DSCAM: variants seen among roughly 807,000 people sequenced by gnomAD.
DSCAM encodes cell adhesion molecule DSCAM.
In DSCAM, 47 loss-of-function variants were observed where a neutral mutation model predicts 217.7. The ratio of observed to expected loss-of-function variants is 0.22; its 90% CI spans 0.17 to 0.28. The LOEUF (loss-of-function observed/expected upper bound fraction) is 0.28, where lower values mean the gene tolerates loss of function less well. Ranked by LOEUF, DSCAM falls within the 10% of genes least tolerant of loss-of-function variation. The pLI is 1.00. For synonymous variants in DSCAM, 1,056 were observed against 1,015.3 expected, an observed-to-expected ratio of 1.04 and a Z score of -0.76; for missense variants, 2,080 against 2,618.3, an observed-to-expected ratio of 0.79 and a Z score of 4.49.
chr21:40,705,639 G>T (rs77145780), intron 2 of DSCAM, among the ~76,000 whole-genome samples: 1 of 152,082 alleles, frequency 6.6e-6, no homozygotes, highest in Non-Finnish European at 1.5e-5. Flanking sequence ...ATCAGATCTC[G>T]TGAGACTCAC....
chr21:40,806,271 G>A (rs2123520279), intron 1 of DSCAM, among the ~76,000 whole-genome samples: 1 of 152,278 alleles, frequency 6.6e-6, no homozygotes, highest in African/African-American at 2.4e-5. Flanking sequence ...TGCCATTATT[G>A]ACGTGATTGC....
At chr21:40,824,352 T>C (rs1471017203) in intron 1 of DSCAM, among the ~76,000 whole-genome samples, 1 of 151,966 alleles carries the variant, frequency 6.6e-6, no homozygotes, top group East Asian at 1.9e-4. Flanking sequence ...TCCATCTAAA[T>C]TTGAATTCAA....
At chr21:40,687,506 C>T (rs79855988) in intron 3 of DSCAM, among the ~76,000 whole-genome samples, 1 of 152,004 alleles carries the variant, frequency 6.6e-6, no homozygotes, top group Non-Finnish European at 1.5e-5. Context: ...AAAGCAGAGG[C>T]CCCCCACAGC....
At chr21:40,420,401 T>G (rs757594563) in intron 3 of DSCAM, among the ~76,000 whole-genome samples, 1 of 152,184 alleles carries the variant, frequency 6.6e-6, no homozygotes, top group Non-Finnish European at 1.5e-5. Flanking sequence ...TGCCTGGTAT[T>G]TATAATTCAG....
At chr21:40,276,389 C>A in intron 10 of DSCAM, 119 bp from the exon 11 acceptor site, 1 of 764,116 alleles carries the variant, frequency 1.3e-6, no homozygotes, top group South Asian at 4.7e-5. Context: ...ATAAGGCAGT[C>A]ACGGGATACA....
intron 3 of DSCAM, among the ~76,000 whole-genome samples, chr21:40,684,378 A>T (rs2090451937): frequency 6.6e-6 from 1 of 152,160 alleles, no homozygotes; most frequent in Non-Finnish European, 1.5e-5. Flanking sequence ...AGGAGAGAGG[A>T]AGTCTGGGCT....
At chr21:40,313,550 TCTAA>T (rs571024368) in intron 8 of DSCAM, among the ~76,000 whole-genome samples, 115 of 150,978 alleles carry the variant, frequency 7.6e-4, no homozygotes, top group South Asian at 2.5e-3. Context: ...ACATTTGAAC[TCTAA>T]CTGTTACTTG....
chr21:40,545,568 T>G (rs1391847608), intron 3 of DSCAM, among the ~76,000 whole-genome samples: 1 of 152,042 alleles, frequency 6.6e-6, no homozygotes, highest in African/African-American at 2.4e-5. Context: ...CAAAGAGGCA[T>G]GACCTTTGCA....
At chr21:40,289,249 G>A (rs1354287927) in intron 10 of DSCAM, among the ~76,000 whole-genome samples, 2 of 152,194 alleles carry the variant, frequency 1.3e-5, no homozygotes, top group East Asian at 1.9e-4. Flanking sequence ...GGAAGATGAG[G>A]GAATCAGGGC....
chr21:40,552,555 T>C (rs1171026095), intron 3 of DSCAM, among the ~76,000 whole-genome samples: 1 of 152,248 alleles, frequency 6.6e-6, no homozygotes, highest in Non-Finnish European at 1.5e-5. Flanking sequence ...AAATCTTCTA[T>C]GTGTTAGAAA....
intron 3 of DSCAM, among the ~76,000 whole-genome samples, chr21:40,588,840 G>A (rs989302406): frequency 1.3e-5 from 2 of 152,024 alleles, no homozygotes; most frequent in Non-Finnish European, 2.9e-5. Context: ...GTTGACAGAG[G>A]AAGAAAAAGA....
In DSCAM at chr21:40,347,844, A is replaced by T; in HGVS notation, c.1036T>A (p.Ser346Thr). 6.2e-7 allele frequency: 1 copy of T among 1,614,132 alleles called. No homozygotes were observed. The highest frequency in any genetic ancestry group is 1.3e-5 in the African/African-American group (1 of 75,034). ...SVTGTEDQEL[S>T]WYRNGEILNP... Reference sequence around the variant, plus strand: ...AGGATTTCACCATTGCGGTACCAGGAGAGTTCCTGGTCCTCAGTTCCTGTC... The same window carrying T: ...AGGATTTCACCATTGCGGTACCAGGTGAGTTCCTGGTCCTCAGTTCCTGTC... Residue 346 changes from serine (S) to threonine (T), a missense_variant, in exon 6 of 33, where the codon TCC becomes ACC. Physicochemically the swap from Ser to Thr is moderately conservative, Grantham distance 58. Transcript: ENST00000400454.
intron 1 of DSCAM, among the ~76,000 whole-genome samples, chr21:40,804,888 T>C (rs528986801): frequency 9.2e-5 from 14 of 152,240 alleles, no homozygotes; most frequent in Admixed American, 8.5e-4. Flanking sequence ...CCCCACCCAA[T>C]TGTATTCAGA....
At chr21:40,367,430 G>T (rs1433882918) in intron 4 of DSCAM, among the ~76,000 whole-genome samples, 1 of 152,060 alleles carries the variant, frequency 6.6e-6, no homozygotes, top group Non-Finnish European at 1.5e-5. Context: ...ACACCAACAT[G>T]TTTCCACCAT....
At position 40,702,938 on chromosome 21, in the gene DSCAM, T is replaced by C. The variant is rs752420925; in HGVS notation, c.361+5516A>G. On this transcript the variant is annotated intron_variant, in intron 2 of 32. Coordinates refer to ENST00000400454, the MANE Select transcript of DSCAM (RefSeq NM_001389.5). ...CTGTAGGCCTTAATGCTATTGTTGCTATAAGTTTTACTTCTGCCTATGTTA... is the reference window on the plus strand; with the variant it reads ...CTGTAGGCCTTAATGCTATTGTTGCCATAAGTTTTACTTCTGCCTATGTTA... Among the ~76,000 whole-genome samples the C allele has an allele frequency of 3.3e-5, 5 of 152,364 alleles. No homozygotes were observed. In the South Asian group the frequency reaches 8.3e-4, roughly 25 times the overall value.
intron 3 of DSCAM, among the ~76,000 whole-genome samples, chr21:40,605,909 T>C (rs1472400842): frequency 6.6e-6 from 1 of 150,566 alleles, no homozygotes; most frequent in Non-Finnish European, 1.5e-5. Context: ...CAAGCTATTC[T>C]TCTGCCTCAG....
At chr21:40,326,942 G>A (rs991398044) in intron 8 of DSCAM, among the ~76,000 whole-genome samples, 3 of 149,014 alleles carry the variant, frequency 2.0e-5, no homozygotes, top group African/African-American at 7.4e-5. Context: ...ATTTATATTT[G>A]TGTTTTATAT....
At position 40,485,294 on chromosome 21, in the gene DSCAM, G is replaced by A. The variant is rs1316687670; in HGVS notation, c.509-116049C>T. On this transcript the variant is annotated intron_variant, in intron 3 of 32. Transcript: ENST00000400454. Reference sequence around the variant, plus strand: ...CTCGCTGTCGCCCAGGCTGGAGTGAGTGCAGTGGCGCGATCTCGGCTCACT... The same window carrying A: ...CTCGCTGTCGCCCAGGCTGGAGTGAATGCAGTGGCGCGATCTCGGCTCACT... 2.8e-5 allele frequency among the ~76,000 whole-genome samples: 4 copies of A among 144,462 alleles called. No homozygotes were observed. The East Asian group carries it at 6.1e-4, about 22-fold the overall frequency. The allele number at this position is 144,462 out of a possible 152,430, so 94.8% of individuals were successfully genotyped here.
At chr21:40,336,429 T>C (rs1454198489) in intron 8 of DSCAM, among the ~76,000 whole-genome samples, 3 of 152,232 alleles carry the variant, frequency 2.0e-5, no homozygotes, top group Non-Finnish European at 4.4e-5. Context: ...ACTTGAAGAC[T>C]TTCTGATGAG....
Sources: gnomAD v4.1 joint callset for allele counts (sites outside exome capture counted in the v4.1 genomes callset) on GRCh38, gnomAD v4.1.1 for gene constraint, MANE v1.5 for transcripts, NCBI Gene and HGNC (gene_info 2026-07-23, HGNC 2026-07-21) for gene names.